KIRREL3: variants seen among roughly 807,000 people sequenced by gnomAD.
KIRREL3 encodes the protein kin of IRRE-like protein 3.
Under a neutral mutation model 89.7 loss-of-function variants are expected in KIRREL3, and 36 were observed. The ratio of observed to expected loss-of-function variants is 0.40; its 90% confidence interval spans 0.31 to 0.53. The LOEUF is 0.53. KIRREL3 is among the 20% of genes least tolerant of loss of function. KIRREL3 has a pLI of 0.49. For missense variants in KIRREL3, 864 were observed against 1,056.6 expected (o/e 0.82, Z 2.53); for synonymous variants, 445 against 441.4 (o/e 1.01, Z -0.10).
At position 126,550,659 on chromosome 11, in the gene KIRREL3, GA is replaced by G. The variant is rs796117011; in HGVS notation, c.133+12175del. On this transcript the variant is annotated intron_variant, in intron 2 of 16. Coordinates refer to ENST00000525144, the MANE Select transcript of KIRREL3 (RefSeq NM_032531.4). This position sits in a 1 kb window ranked among gnomAD's most constrained non-coding sequence, Gnocchi z 4.9. Reference sequence around the variant, plus strand: ...GCGAAACTCCGTCTCTGTCTCGAGAGAAAAAAAAAAAAAGAATATTAGTCGC... The same window carrying G: ...GCGAAACTCCGTCTCTGTCTCGAGAGAAAAAAAAAAAAGAATATTAGTCGC... 4.9e-3 allele frequency: 619 copies of G among 126,826 alleles called. 1 individual carries two copies. Among genetic ancestry groups the G allele is most frequent in the African/African-American group, 0.014 (496 of 34,510 alleles). The allele number at this position is 126,826 out of a possible 1,614,324, so 7.9% of individuals were successfully genotyped here.
chr11:126,537,759 T>C lies in KIRREL3; in HGVS notation c.134-11072A>G, dbSNP rs1487247269. On this transcript the variant is annotated intron_variant, in intron 2 of 16. Transcript: ENST00000525144. The surrounding 1 kb of genome is among the most constrained non-coding windows in gnomAD (Gnocchi z 4.3). ...CTCCCTGGCAAAGCTGCTGTGAGCATGAGAGGTTTTATATGTAAATGATCT... is the reference window on the plus strand; with the variant it reads ...CTCCCTGGCAAAGCTGCTGTGAGCACGAGAGGTTTTATATGTAAATGATCT... Among the ~76,000 whole-genome samples, 1 of 152,178 alleles carries C rather than the reference T, an allele frequency of 6.6e-6. No individual in the cohort carries two copies. The highest frequency in any genetic ancestry group is 2.4e-5 in the African/African-American group (1 of 41,458).
At chr11:126,681,916 A>T in intron 1 of KIRREL3, 1 of 455,004 alleles carries the variant, frequency 2.2e-6, no homozygotes, top group Non-Finnish European at 4.4e-6. Context: ...CATGCAACAG[A>T]AAGATTTTTC....
At position 126,485,568 on chromosome 11, in the gene KIRREL3, T is replaced by G. The variant is rs928628918; in HGVS notation, c.434-12102A>C. ...CTGGTGTGCTGTTTAAATGAGTTCATGTAAGAGTTATGCAGTGTCTTGTCC... is the reference window on the plus strand; with the variant it reads ...CTGGTGTGCTGTTTAAATGAGTTCAGGTAAGAGTTATGCAGTGTCTTGTCC... On this transcript the variant is annotated intron_variant, in intron 4 of 16. Coordinates refer to ENST00000525144, the MANE Select transcript of KIRREL3 (RefSeq NM_032531.4). This position sits in a 1 kb window ranked among gnomAD's most constrained non-coding sequence, Gnocchi z 5.8. Among the ~76,000 whole-genome samples the G allele has an allele frequency of 4.6e-5, 7 of 152,234 alleles. No homozygotes were observed. Among genetic ancestry groups the G allele is most frequent in the African/African-American group, 9.6e-5 (4 of 41,452 alleles).
chr11:126,743,496 G>A (rs1037085166), intron 1 of KIRREL3, among the ~76,000 whole-genome samples: 1 of 152,202 alleles, frequency 6.6e-6, no homozygotes, highest in Non-Finnish European at 1.5e-5. Flanking sequence ...TAGGTACTGG[G>A]AATATAATTG....
intron 1 of KIRREL3, chr11:126,935,274 C>CAAAATGGCACAGCCACTTGGA (rs1229382553): frequency 1.4e-5 from 2 of 144,814 alleles, no homozygotes; most frequent in African/African-American, 5.2e-5. Flanking sequence ...GCTGGGAAGG[C>CAAAATGGCACAGCCACTTGGA]AAAATGGCAC....
intron 1 of KIRREL3, among the ~76,000 whole-genome samples, chr11:126,781,409 G>A (rs1361351680): frequency 6.6e-6 from 1 of 152,172 alleles, no homozygotes; most frequent in Non-Finnish European, 1.5e-5. Flanking sequence ...CCACCCAGGG[G>A]AAACCAGTGT....
At chr11:126,506,405 A>G (rs184285727) in intron 4 of KIRREL3, among the ~76,000 whole-genome samples, 1 of 152,392 alleles carries the variant, frequency 6.6e-6, no homozygotes, top group African/African-American at 2.4e-5. Context: ...ATAACATAGT[A>G]AGACAAATGA....
In KIRREL3 at chr11:126,452,426, G is replaced by T. The variant is rs4937138; in HGVS notation, c.849-3269C>A. Among the ~76,000 whole-genome samples the T allele has an allele frequency of 9.5e-3, 1,440 of 152,380 alleles. 53 individuals are homozygous for T. The highest frequency in any genetic ancestry group is 0.073 in the Admixed American group (1,112 of 15,304). On this transcript the variant is annotated intron_variant, in intron 7 of 16. Transcript: ENST00000525144. ...GCTGAGGCGAGGGGGCCAGGTGGTG[G>T]ATGCAGCGTGAGGCCAAGCGGGCAG...
chr11:126,552,297 C>A (rs1483237308), intron 2 of KIRREL3, among the ~76,000 whole-genome samples: 2 of 152,128 alleles, frequency 1.3e-5, no homozygotes, highest in Non-Finnish European at 2.9e-5. Context: ...ACCATTCATA[C>A]CCGGGAAGGT....
At chr11:126,524,978 GGA>G (rs1958703970) in intron 3 of KIRREL3, among the ~76,000 whole-genome samples, 1 of 152,190 alleles carries the variant, frequency 6.6e-6, no homozygotes, top group East Asian at 1.9e-4. Flanking sequence ...GGCTCTGTAT[GGA>G]GAGGCAAACC....
At position 126,807,072 on chromosome 11, in the gene KIRREL3, T is replaced by C. The variant is rs1179422168; in HGVS notation, c.55+193383A>G. On this transcript the variant is annotated intron_variant, in intron 1 of 16. Transcript: ENST00000525144. The surrounding 1 kb of genome is among the most constrained non-coding windows in gnomAD (Gnocchi z 4.3). ...ACATATGTGCCACATGACCACGCTGTACTCTTCAAAGGGGATGAAACTGAG... is the reference window on the plus strand; with the variant it reads ...ACATATGTGCCACATGACCACGCTGCACTCTTCAAAGGGGATGAAACTGAG... Among the ~76,000 whole-genome samples the C allele has an allele frequency of 6.6e-6, 1 of 152,184 alleles. No individual in the cohort carries two copies. Among genetic ancestry groups the C allele is most frequent in the Non-Finnish European group, 1.5e-5 (1 of 68,032 alleles).
At chr11:126,786,278 A>G (rs1380145749) in intron 1 of KIRREL3, among the ~76,000 whole-genome samples, 1 of 152,218 alleles carries the variant, frequency 6.6e-6, no homozygotes, top group Non-Finnish European at 1.5e-5. Context: ...TATGCATAAG[A>G]AAAAGACTCA....
chr11:126,582,399 CAG>C (rs1941597088), intron 1 of KIRREL3, among the ~76,000 whole-genome samples: 1 of 152,206 alleles, frequency 6.6e-6, no homozygotes, highest in African/African-American at 2.4e-5. Flanking sequence ...TGTTTGGTAT[CAG>C]AACGCATTCC....
rs999529122 is a variant in KIRREL3 at position 126,696,118 on chromosome 11, A to G, written c.56-133206T>C. Reference sequence around the variant, plus strand: ...AAAATACAAAAAAAATTAGCCTGACATGGTGACACGTGCCTGTAGTCCCAG... The same window carrying G: ...AAAATACAAAAAAAATTAGCCTGACGTGGTGACACGTGCCTGTAGTCCCAG... On this transcript the variant is annotated intron_variant, in intron 1 of 16. Transcript: ENST00000525144. The surrounding 1 kb of genome is among the most constrained non-coding windows in gnomAD (Gnocchi z 4.4). Among the ~76,000 whole-genome samples, 1 of 151,912 alleles carries G rather than the reference A, an allele frequency of 6.6e-6. No homozygotes were observed.
At chr11:126,465,924 G>A (rs533072679) in intron 5 of KIRREL3, among the ~76,000 whole-genome samples, 110 of 152,350 alleles carry the variant, frequency 7.2e-4, no homozygotes, top group African/African-American at 2.5e-3. Context: ...CTTCGGGTAG[G>A]GCGCGCAGGG....
chr11:126,850,472 A>ACCTGTCCTCCAGG (rs1352568243), intron 1 of KIRREL3, among the ~76,000 whole-genome samples: 1 of 152,040 alleles, frequency 6.6e-6, no homozygotes, highest in Non-Finnish European at 1.5e-5. Flanking sequence ...GCTAACCCAG[A>ACCTGTCCTCCAGG]CCTGTCCTCC....
chr11:126,450,185 G>A (rs1195657771), intron 7 of KIRREL3, among the ~76,000 whole-genome samples: 1 of 152,264 alleles, frequency 6.6e-6, no homozygotes, highest in Non-Finnish European at 1.5e-5. Context: ...ACATGTATGT[G>A]TGTGCATGTG....
chr11:126,982,646 T>A (rs1448973817), intron 1 of KIRREL3, among the ~76,000 whole-genome samples: 2 of 152,108 alleles, frequency 1.3e-5, no homozygotes, highest in African/African-American at 4.8e-5. Flanking sequence ...GCCCAACACC[T>A]CCAGGCGTGA....
In KIRREL3 at chr11:126,562,093, A is replaced by G. The variant is rs888745336; in HGVS notation, c.133+742T>C. On this transcript the variant is annotated intron_variant, in intron 2 of 16. Transcript: ENST00000525144. This position sits in a 1 kb window ranked among gnomAD's most constrained non-coding sequence, Gnocchi z 4.7. The stretch of plus-strand genomic sequence containing the variant: ...TGGCATCCCCAGCCATTGTTTATCT[A>G]CTTTTGAATCCTGACAAATAGTCTG... 5.3e-5 allele frequency among the ~76,000 whole-genome samples: 8 copies of G among 152,176 alleles called. No individual in the cohort carries two copies. Among genetic ancestry groups the G allele is most frequent in the African/African-American group, 1.9e-4 (8 of 41,448 alleles).
Sources: gnomAD v4.1 joint callset for allele counts (sites outside exome capture counted in the v4.1 genomes callset) on GRCh38, gnomAD v4.1.1 for gene constraint, Gnocchi (gnomAD v3.1) non-coding constraint, MANE v1.5 for transcripts, NCBI Gene and HGNC (gene_info 2026-07-23, HGNC 2026-07-21) for gene names.